Variants in RXRA observed in about 807,000 individuals in gnomAD.
The protein encoded by RXRA is retinoic acid receptor RXR-alpha.
In RXRA, 5 loss-of-function variants were observed where a neutral mutation model predicts 44.5. That is an observed-to-expected ratio of 0.11 (90% CI 0.06 to 0.24). The LOEUF (loss-of-function observed/expected upper bound fraction) is 0.24. Ranked by LOEUF, RXRA falls within the 10% of genes least tolerant of loss-of-function variation. The pLI is 1.00. For synonymous variants in RXRA, 291 were observed against 271.4 expected (o/e 1.07, Z -0.71); for missense variants, 412 against 646.5 (o/e 0.64, Z 3.93).
intron 1 of RXRA, among the ~76,000 whole-genome samples, chr9:134,386,711 G>A (rs1049044354): frequency 6.8e-6 from 1 of 146,974 alleles, no homozygotes; most frequent in African/African-American, 2.5e-5. Flanking sequence ...GCAGCCCGAG[G>A]CCAGGACCAC....
chr9:134,375,605 T>C (rs1409321944), intron 1 of RXRA, among the ~76,000 whole-genome samples: 2 of 152,154 alleles, frequency 1.3e-5, no homozygotes, highest in African/African-American at 4.8e-5. Flanking sequence ...GCCGTCTAGT[T>C]TTACAGCTGG....
At chr9:134,328,613 A>G (rs1554746300) in intron 1 of RXRA, among the ~76,000 whole-genome samples, 1 of 152,148 alleles carries the variant, frequency 6.6e-6, no homozygotes. Context: ...GCTTGTGACC[A>G]GCTCTGAAGT....
chr9:134,419,305 A>G (rs914314071), intron 5 of RXRA, among the ~76,000 whole-genome samples: 1 of 152,186 alleles, frequency 6.6e-6, no homozygotes, highest in Admixed American at 6.5e-5. Flanking sequence ...TTCGTGAAGG[A>G]CATTATTTGG....
intron 1 of RXRA, among the ~76,000 whole-genome samples, chr9:134,388,533 C>T (rs1004280484): frequency 2.0e-5 from 3 of 152,192 alleles, no homozygotes; most frequent in Admixed American, 6.5e-5. Context: ...CTTTCTCCCA[C>T]GATTACCTCT....
rs544992483 is a variant in RXRA, at chr9:134,379,188, C to T, written c.29-22444C>T. 590 of 811,586 alleles carry T rather than the reference C, an allele frequency of 7.3e-4. 1 individual carries two copies. Among genetic ancestry groups the T allele is most frequent in the Middle Eastern group, 6.4e-4 (1 of 1,558 alleles). 50.3% of individuals were successfully genotyped at this position (811,586 alleles called of 1,614,324 possible). On this transcript the variant is annotated intron_variant, in intron 1 of 9. Coordinates refer to ENST00000481739, the MANE Select transcript of RXRA (RefSeq NM_002957.6). ...GCAGGACCCGGAATTATGCTGTTCT[C>T]GGTTGGACCTGCTTGTCCGTGCTTA...
chr9:134,354,645 G>A (rs369866911), intron 1 of RXRA, among the ~76,000 whole-genome samples: 1 of 152,260 alleles, frequency 6.6e-6, no homozygotes, highest in East Asian at 1.9e-4. Flanking sequence ...CCCTGCTGGT[G>A]GAGATGGCCT....
intron 1 of RXRA, among the ~76,000 whole-genome samples, chr9:134,355,169 T>C (rs1260955582): frequency 6.6e-6 from 1 of 152,240 alleles, no homozygotes; most frequent in African/African-American, 2.4e-5. Flanking sequence ...ACATCTCTGC[T>C]GGCGTTTGTC....
At chr9:134,332,575 G>T (rs903854374) in intron 1 of RXRA, among the ~76,000 whole-genome samples, 2 of 152,100 alleles carry the variant, frequency 1.3e-5, no homozygotes, top group Non-Finnish European at 2.9e-5. Context: ...TGGCCTGGAG[G>T]GGGTGAAGAG....
chr9:134,411,802 C>T (rs566843566), intron 4 of RXRA, among the ~76,000 whole-genome samples: 2 of 152,218 alleles, frequency 1.3e-5, no homozygotes, highest in African/African-American at 4.8e-5. Context: ...CCGTGCCAAA[C>T]GTGCCCTGCT....
chr9:134,329,199 A>G (rs1263784260), intron 1 of RXRA, among the ~76,000 whole-genome samples: 1 of 152,168 alleles, frequency 6.6e-6, no homozygotes, highest in Admixed American at 6.5e-5. Flanking sequence ...GGCCTGGGTG[A>G]GCTTGCAGCC....
intron 1 of RXRA, among the ~76,000 whole-genome samples, chr9:134,350,669 C>T (rs1588257720): frequency 6.6e-6 from 1 of 152,366 alleles, no homozygotes; most frequent in East Asian, 1.9e-4. Flanking sequence ...CCACCCTGCC[C>T]TTCCCCACGG....
At chr9:134,363,946 G>A (rs955461234) in intron 1 of RXRA, among the ~76,000 whole-genome samples, 1 of 152,196 alleles carries the variant, frequency 6.6e-6, no homozygotes, top group Non-Finnish European at 1.5e-5. Context: ...AAGAAGAAGA[G>A]AAAGGGTTGT....
intron 1 of RXRA, among the ~76,000 whole-genome samples, chr9:134,361,409 C>T (rs1483560129): frequency 1.3e-5 from 2 of 152,148 alleles, no homozygotes; most frequent in African/African-American, 4.8e-5. Context: ...TGGGGAGGCC[C>T]CTTCCAAGGG....
chr9:134,374,242 G>T (rs1320960191), intron 1 of RXRA: 1 of 152,472 alleles, frequency 6.6e-6, no homozygotes, highest in East Asian at 1.9e-4. Context: ...CTCAAACCCA[G>T]ATCCGCAGGC....
rs551344075 is a variant in RXRA at position 134,406,919 on chromosome 9, C to T, written c.280-1230C>T. ...CCTTCTCTGAGAAGCGCACCTGCTG[C>T]CTGTGGACATGAACACTGGGCATTT... On this transcript the variant is annotated intron_variant, in intron 2 of 9. Transcript: ENST00000481739. Among the ~76,000 whole-genome samples, 11 of 152,362 alleles carry T rather than the reference C, an allele frequency of 7.2e-5. No homozygotes were observed. The South Asian group carries it at 2.3e-3, about 32-fold the overall frequency.
chr9:134,436,912 G>A lies in RXRA; in HGVS notation c.*298G>A, dbSNP rs559572199. ...CTCAGGACACCCTGCCACACCCCAC[G>A]GGGCTTGGGCGACTACAGGGTCTTC... On this transcript the variant is annotated 3_prime_UTR_variant, in exon 10 of 10. Coordinates refer to ENST00000481739, the MANE Select transcript of RXRA (RefSeq NM_002957.6). 7.0e-5 allele frequency: 27 copies of A among 384,952 alleles called. No homozygotes were observed. Among genetic ancestry groups the A allele is most frequent in the African/African-American group, 2.6e-4 (13 of 49,314 alleles). The allele number at this position is 384,952 out of a possible 1,614,324, so 23.8% of individuals were successfully genotyped here. A position where few individuals can be genotyped will look rare whatever the true frequency, so the allele number is the denominator to read the frequency against.
At chr9:134,355,681 G>GC (rs1830274820) in intron 1 of RXRA, among the ~76,000 whole-genome samples, 1 of 152,148 alleles carries the variant, frequency 6.6e-6, no homozygotes, top group Non-Finnish European at 1.5e-5. Flanking sequence ...GGAGCTGTGT[G>GC]CACCCCCGCT....
At chr9:134,374,769 T>C (rs1830532490) in intron 1 of RXRA, among the ~76,000 whole-genome samples, 2 of 152,238 alleles carry the variant, frequency 1.3e-5, no homozygotes, top group Non-Finnish European at 2.9e-5. Flanking sequence ...AGCGAGATTG[T>C]CTAACCTATT....
intron 1 of RXRA, among the ~76,000 whole-genome samples, chr9:134,378,662 G>A (rs974218509): frequency 4.6e-5 from 7 of 152,200 alleles, no homozygotes; most frequent in African/African-American, 9.7e-5. Context: ...TGGGTCGGCC[G>A]CTCAGAGTCA....
Sources: allele counts gnomAD v4.1 joint callset (sites outside exome capture counted in the v4.1 genomes callset), GRCh38; gene constraint gnomAD v4.1.1; transcripts MANE v1.5; gene names NCBI Gene and HGNC (gene_info 2026-07-23, HGNC 2026-07-21).